The following CDH18 variants were observed in gnomAD, a reference collection of about 807,000 sequenced individuals.
CDH18 encodes the protein cadherin 18.
CDH18 carries 31 observed loss-of-function variants against 67.9 expected under a neutral mutation model. The observed-to-expected ratio is 0.46, with a 90% CI of 0.34 to 0.62. The LOEUF is 0.62. CDH18 is among the 20% of genes least tolerant of loss of function. The pLI, the probability that CDH18 is intolerant of heterozygous loss-of-function variation, is 0.01. For missense variants in CDH18, 890 were observed against 975.5 expected, an observed-to-expected ratio of 0.91 and a Z score of 1.17; for synonymous variants, 362 against 347.2, an observed-to-expected ratio of 1.04 and a Z score of -0.48.
intron 5 of CDH18, among the ~76,000 whole-genome samples, chr5:19,688,172 C>A (rs908973824): frequency 6.6e-6 from 1 of 152,156 alleles, no homozygotes; most frequent in African/African-American, 2.4e-5. Context: ...ACCCAAAGAT[C>A]CACCTACCCA....
chr5:19,760,750 G>A (rs753292922), intron 3 of CDH18, among the ~76,000 whole-genome samples: 2 of 152,092 alleles, frequency 1.3e-5, no homozygotes, highest in Admixed American at 6.6e-5. Flanking sequence ...GTGGCCTGCC[G>A]GGACTTTAGT....
chr5:19,664,019 A>C (rs990350213), intron 5 of CDH18, among the ~76,000 whole-genome samples: 1 of 151,936 alleles, frequency 6.6e-6, no homozygotes, highest in Admixed American at 6.6e-5. Context: ...TTATTAAAAT[A>C]GTACTGTGCA....
chr5:19,734,099 T>C (rs1767975858), intron 4 of CDH18, among the ~76,000 whole-genome samples: 1 of 152,242 alleles, frequency 6.6e-6, no homozygotes, highest in Admixed American at 6.5e-5. Context: ...CAGTGTTCTC[T>C]GCAGTTAATC....
intron 1 of CDH18, among the ~76,000 whole-genome samples, chr5:20,533,161 G>C (rs1344584184): frequency 1.3e-5 from 2 of 152,066 alleles, no homozygotes; most frequent in African/African-American, 4.8e-5. Flanking sequence ...TGACGCTTCT[G>C]CAAGTCAAGG....
chr5:20,502,129 T>C (rs1396345), intron 1 of CDH18, among the ~76,000 whole-genome samples: 71,887 of 151,686 alleles, frequency 0.47, 17,242 homozygotes, highest in East Asian at 0.56. Context: ...TTAGATTAGA[T>C]TGCTTATCTT....
chr5:20,123,609 C>T (rs1237858281), intron 2 of CDH18, among the ~76,000 whole-genome samples: 5 of 152,144 alleles, frequency 3.3e-5, no homozygotes, highest in Non-Finnish European at 5.9e-5. Flanking sequence ...GTCGGCCCGG[C>T]GCGGTGGCTC....
intron 2 of CDH18, among the ~76,000 whole-genome samples, chr5:20,050,820 A>G (rs1741354638): frequency 6.6e-6 from 1 of 151,854 alleles, no homozygotes; most frequent in Non-Finnish European, 1.5e-5. Context: ...TTTTTAACCT[A>G]TGAATGTCAG....
chr5:19,656,506 G>A (rs1197559559), intron 5 of CDH18, among the ~76,000 whole-genome samples: 1 of 151,946 alleles, frequency 6.6e-6, no homozygotes, highest in Admixed American at 6.6e-5. Context: ...TTCTTATTTC[G>A]TTTGGACAGC....
intron 8 of CDH18, among the ~76,000 whole-genome samples, chr5:19,563,681 A>T (rs1168716666): frequency 6.6e-6 from 1 of 152,260 alleles, no homozygotes; most frequent in Non-Finnish European, 1.5e-5. Context: ...ATAGCAGTAT[A>T]GAACCCTACA....
At chr5:19,567,083 A>G (rs1056246123) in intron 8 of CDH18, among the ~76,000 whole-genome samples, 2 of 152,126 alleles carry the variant, frequency 1.3e-5, no homozygotes, top group Admixed American at 1.3e-4. Context: ...GAGGCTAGGA[A>G]GGGTAGTGGT....
chr5:20,493,356 T>TAAAAAAAAAAAAAAAAA (rs148292031), intron 1 of CDH18, among the ~76,000 whole-genome samples: 8 of 47,194 alleles, frequency 1.7e-4, no homozygotes, highest in East Asian at 1.0e-3. Flanking sequence ...TTCAGAAAAT[T>TAAAAAAAAAAAAAAAAA]AAAAAAAAAA....
At chr5:20,529,969 T>G (rs1166698700) in intron 1 of CDH18, among the ~76,000 whole-genome samples, 1 of 152,038 alleles carries the variant, frequency 6.6e-6, no homozygotes, top group East Asian at 1.9e-4. Flanking sequence ...GCAGATGACA[T>G]GATCCTCTAT....
At chr5:20,176,464 A>G (rs1450199485) in intron 2 of CDH18, among the ~76,000 whole-genome samples, 1 of 152,194 alleles carries the variant, frequency 6.6e-6, no homozygotes, top group Non-Finnish European at 1.5e-5. Context: ...GCATAGTTAA[A>G]AGAAAGTGGA....
intron 1 of CDH18, among the ~76,000 whole-genome samples, chr5:20,574,282 A>C (rs1758993614): frequency 6.6e-6 from 1 of 151,982 alleles, no homozygotes; most frequent in African/African-American, 2.4e-5. Context: ...TAGAGTATGT[A>C]ATAATTCTAA....
At chr5:19,721,537 T>G (rs894432601) in intron 4 of CDH18, 71 bp from the exon 5 acceptor site, 1 of 1,439,812 alleles carries the variant, frequency 6.9e-7, no homozygotes, top group Non-Finnish European at 9.6e-7. Flanking sequence ...ACACAGAAAA[T>G]GGGTATGCTG....
chr5:20,507,258 C>A (rs906630), intron 1 of CDH18, among the ~76,000 whole-genome samples: 1 of 152,102 alleles, frequency 6.6e-6, no homozygotes, highest in South Asian at 2.1e-4. Flanking sequence ...TTTGTTTCAA[C>A]CTCTACGTTT....
intron 2 of CDH18, among the ~76,000 whole-genome samples, chr5:20,238,653 T>A (rs962168455): frequency 6.6e-6 from 1 of 152,068 alleles, no homozygotes; most frequent in African/African-American, 2.4e-5. Flanking sequence ...AAACATATAT[T>A]AAAAATATGA....
chr5:19,562,327 G>C (rs933089729), intron 8 of CDH18, among the ~76,000 whole-genome samples: 1 of 151,890 alleles, frequency 6.6e-6, no homozygotes, highest in Admixed American at 6.6e-5. Context: ...TTGCCAAAAG[G>C]CCTTATCATT....
intron 3 of CDH18, among the ~76,000 whole-genome samples, chr5:19,827,198 A>G (rs985612701): frequency 6.6e-6 from 1 of 152,170 alleles, no homozygotes; most frequent in Non-Finnish European, 1.5e-5. Flanking sequence ...TTAAATATAA[A>G]TACACCAAAC....
Sources: allele counts gnomAD v4.1 joint callset (sites outside exome capture counted in the v4.1 genomes callset), GRCh38; gene constraint gnomAD v4.1.1; transcripts MANE v1.5; gene names NCBI Gene and HGNC (gene_info 2026-07-23, HGNC 2026-07-21).